Variants in RASEF observed in about 807,000 individuals in gnomAD.
RASEF encodes RAS and EF-hand domain containing.
In RASEF, 68 loss-of-function variants were observed where a neutral mutation model predicts 90.1. The observed-to-expected ratio is 0.75, with a 90% confidence interval of 0.62 to 0.92. The LOEUF (loss-of-function observed/expected upper bound fraction) is 0.92, where lower values mean the gene tolerates loss of function less well. Ranked by LOEUF, RASEF falls within the 40% of genes least tolerant of loss-of-function variation. The pLI, the probability that RASEF is intolerant of heterozygous loss-of-function variation, is 0.00. For missense variants in RASEF, 949 were observed against 937.2 expected (o/e 1.01, Z -0.16); for synonymous variants, 331 against 345.2 (o/e 0.96, Z 0.46).
intron 1 of RASEF, among the ~76,000 whole-genome samples, chr9:83,031,889 T>A (rs1225637828): frequency 6.6e-6 from 1 of 152,182 alleles, no homozygotes; most frequent in East Asian, 1.9e-4. Flanking sequence ...GCCTGTGTGC[T>A]TCGCTTGGTC....
At chr9:83,214,848 G>T in the RASEF span, among the ~76,000 whole-genome samples, 1 of 151,846 alleles carries the variant, frequency 6.6e-6, no homozygotes, top group East Asian at 1.9e-4. Context: ...GGGTAGAAAA[G>T]GGTGGTTCCC....
intron 1 of RASEF, among the ~76,000 whole-genome samples, chr9:83,059,821 C>T (rs1321059554): frequency 6.6e-6 from 1 of 152,160 alleles, no homozygotes; most frequent in African/African-American, 2.4e-5. Context: ...CCCGGTCACA[C>T]AACTCCTTGG....
the RASEF span, chr9:83,201,135 G>A: frequency 6.6e-6 from 1 of 152,228 alleles, no homozygotes; most frequent in East Asian, 1.9e-4. Context: ...AGAAGCTGTG[G>A]AAGAAGGACA....
the RASEF span, among the ~76,000 whole-genome samples, chr9:83,099,060 C>A: frequency 2.0e-5 from 3 of 152,106 alleles, no homozygotes; most frequent in Non-Finnish European, 2.9e-5. Context: ...CCTCTATATC[C>A]TTCATCCACC....
At chr9:83,215,345 G>A in the RASEF span, among the ~76,000 whole-genome samples, 1 of 152,168 alleles carries the variant, frequency 6.6e-6, no homozygotes, top group Non-Finnish European at 1.5e-5. Context: ...AAAAGGCAGA[G>A]GGTCCATTGA....
chr9:83,000,632 TA>T lies in RASEF; in HGVS notation c.1438-63del. The T allele has an allele frequency of 2.1e-6, 3 of 1,435,688 alleles. No individual in the cohort carries two copies. The South Asian group carries it at 3.9e-5, about 19-fold the overall frequency. The allele number at this position is 1,435,688 out of a possible 1,614,324, so 88.9% of individuals were successfully genotyped here. On this transcript the variant is annotated intron_variant, in intron 10 of 16. Coordinates refer to ENST00000376447, the MANE Select transcript of RASEF (RefSeq NM_152573.4). ...ATGTCAGCAGTTAAAATACAAAGTC[TA>T]AAATGTATACATTATGGATTAAAAA...
the RASEF span, among the ~76,000 whole-genome samples, chr9:83,089,583 A>G: frequency 6.6e-6 from 1 of 152,112 alleles, no homozygotes; most frequent in Admixed American, 6.5e-5. Flanking sequence ...TTCTATCAAC[A>G]CTTTGAATAT....
At chr9:82,987,501 G>A (rs1181981811) in intron 16 of RASEF, among the ~76,000 whole-genome samples, 1 of 152,134 alleles carries the variant, frequency 6.6e-6, no homozygotes, top group Non-Finnish European at 1.5e-5. Context: ...ACACAAGCTA[G>A]TGTCGAAGCT....
At chr9:83,147,026 G>GTGTATATATA in the RASEF span, among the ~76,000 whole-genome samples, 3 of 118,114 alleles carry the variant, frequency 2.5e-5, no homozygotes, top group East Asian at 8.7e-4. Flanking sequence ...GTGTGTGTGT[G>GTGTATATATA]TGTATATATA....
intron 4 of RASEF, among the ~76,000 whole-genome samples, chr9:83,014,730 C>T (rs189650130): frequency 1.4e-4 from 22 of 152,294 alleles, no homozygotes; most frequent in Non-Finnish European, 2.2e-4. Context: ...CCGGAGCCAG[C>T]CTGTACCAGC....
chr9:83,062,702 C>T lies in RASEF; in HGVS notation c.166G>A (p.Ala56Thr), dbSNP rs762742918. 2 of 1,573,876 alleles carry T rather than the reference C, an allele frequency of 1.3e-6. No homozygotes were observed. The highest frequency in any genetic ancestry group is 1.7e-6 in the Non-Finnish European group (2 of 1,168,840). ...DAEAVFQRLD[A>T]DRDGAITFQE... ...AAGGTGATGGCGCCGTCACGGTCGG[C>T]GTCCAGCCGCTGGAATACTGCCTCG... Residue 56 changes from alanine to threonine, a missense_variant, in exon 1 of 17, where the codon GCC becomes ACC. By Grantham distance (58) the Ala-to-Thr change is moderately conservative. Coordinates refer to ENST00000376447, the MANE Select transcript of RASEF (RefSeq NM_152573.4).
the RASEF span, among the ~76,000 whole-genome samples, chr9:83,176,420 T>C: frequency 3.9e-5 from 6 of 152,266 alleles, no homozygotes; most frequent in Admixed American, 3.3e-4. Context: ...TAGTTGAGTC[T>C]CTTTTTCTAT....
chr9:83,149,709 A>G, the RASEF span, among the ~76,000 whole-genome samples: 3 of 152,176 alleles, frequency 2.0e-5, no homozygotes, highest in African/African-American at 7.2e-5. Context: ...ACACTGCACC[A>G]TGGTACTCGA....
intron 1 of RASEF, chr9:83,049,416 C>A: frequency 1.3e-6 from 1 of 765,606 alleles, no homozygotes; most frequent in Non-Finnish European, 1.6e-6. Context: ...GATCAAAAGC[C>A]CATTCTCCCA....
chr9:83,099,339 T>C, the RASEF span, among the ~76,000 whole-genome samples: 1 of 152,198 alleles, frequency 6.6e-6, no homozygotes, highest in Non-Finnish European at 1.5e-5. Flanking sequence ...ATTGAAAAGC[T>C]TGGCATTCAG....
chr9:83,207,437 C>T, the RASEF span, among the ~76,000 whole-genome samples: 1 of 152,114 alleles, frequency 6.6e-6, no homozygotes, highest in African/African-American at 2.4e-5. Flanking sequence ...TGTGCATCTG[C>T]AGTGGGTTCA....
Position 82,982,696 on chromosome 9 carries a change from T to C in RASEF, c.2204A>G (p.Lys735Arg). The C allele has an allele frequency of 1.3e-6, 2 of 1,594,150 alleles. No individual in the cohort carries two copies. The highest frequency in any genetic ancestry group is 1.7e-6 in the Non-Finnish European group (2 of 1,161,756). ...TGGGATTTAGCCATTGCAACAATTC[T>C]TCATCTGTGGTGACTTTTTGGAATT... Reference protein sequence around the residue: ...GTNSKKSPQMKNCCNG With the variant: ...GTNSKKSPQMRNCCNG The change falls in exon 17 of 17, where the codon AAG (lysine) becomes AGG (arginine). Residue 735 changes from lysine (K) to arginine (R), a missense_variant. By Grantham distance (26) the Lys-to-Arg change is conservative. Around this residue, in one of 3 missense-constraint regions of RASEF, gnomAD observed 288 missense variants for 328.4 expected, o/e 0.88. Coordinates refer to ENST00000376447, the MANE Select transcript of RASEF (RefSeq NM_152573.4).
At chr9:83,083,165 A>G in the RASEF span, among the ~76,000 whole-genome samples, 1 of 152,138 alleles carries the variant, frequency 6.6e-6, no homozygotes, top group Non-Finnish European at 1.5e-5. Context: ...ACACATTACA[A>G]TTCTGCCCCA....
At chr9:83,202,183 C>T in the RASEF span, 1 of 151,930 alleles carries the variant, frequency 6.6e-6, no homozygotes, top group African/African-American at 2.4e-5. Context: ...AGTTCTCATT[C>T]AAAGCCTTAT....
Sources: allele counts gnomAD v4.1 joint callset (sites outside exome capture counted in the v4.1 genomes callset), GRCh38; gene constraint gnomAD v4.1.1; regional missense constraint gnomAD v4.1.1; transcripts MANE v1.5; gene names NCBI Gene and HGNC (gene_info 2026-07-23, HGNC 2026-07-21).